UVRAG: variants seen among roughly 807,000 people sequenced by gnomAD.
The protein encoded by UVRAG is UV radiation resistance-associated gene protein.
A neutral mutation model predicts 78.0 loss-of-function variants in UVRAG; 19 were observed. The observed-to-expected ratio is 0.24, with a 90% CI of 0.17 to 0.36. The LOEUF (loss-of-function observed/expected upper bound fraction) is 0.36. UVRAG is among the 10% of genes least tolerant of loss of function. The pLI is 1.00. For missense variants in UVRAG, 740 were observed against 853.8 expected (o/e 0.87, Z 1.66); for synonymous variants, 323 against 324.6 (o/e 1.00, Z 0.05).
chr11:75,909,550 C>T (rs1947689328), intron 5 of UVRAG, among the ~76,000 whole-genome samples: 1 of 151,926 alleles, frequency 6.6e-6, no homozygotes, highest in African/African-American at 2.4e-5. Context: ...GAATTAATAT[C>T]AACTTAGTTT....
rs11236595 is a variant in UVRAG, at chr11:75,992,620, T to C, written c.826+9107T>C. Among the ~76,000 whole-genome samples the C allele has an allele frequency of 1.1e-3, 164 of 152,296 alleles. 2 individuals carry two copies. In the East Asian group the frequency reaches 0.029, roughly 27 times the overall value. ...GGATGGCTGGATACAGATAACCACATTTATTTACTAGCATAACCTGGTCTA... is the reference window on the plus strand; with the variant it reads ...GGATGGCTGGATACAGATAACCACACTTATTTACTAGCATAACCTGGTCTA... On this transcript the variant is annotated intron_variant, in intron 8 of 14. Coordinates refer to ENST00000356136, the MANE Select transcript of UVRAG (RefSeq NM_003369.4).
chr11:75,846,610 T>A (rs535923474), intron 1 of UVRAG, among the ~76,000 whole-genome samples: 2 of 151,926 alleles, frequency 1.3e-5, no homozygotes, highest in East Asian at 3.9e-4. Context: ...TTTTTTTGCA[T>A]GTGAATGTCC....
chr11:76,121,135 A>G (rs1358402462), intron 14 of UVRAG, among the ~76,000 whole-genome samples: 1 of 152,226 alleles, frequency 6.6e-6, no homozygotes, highest in Non-Finnish European at 1.5e-5. Context: ...TGTGATAAAA[A>G]TCCTCTTAAT....
intron 14 of UVRAG, among the ~76,000 whole-genome samples, chr11:76,127,957 CAA>C (rs75226887): frequency 7.3e-6 from 1 of 137,702 alleles, no homozygotes; most frequent in Non-Finnish European, 1.6e-5. Context: ...GACCCCATCT[CAA>C]AAAAAAAAAG....
In UVRAG at chr11:75,878,942, C is replaced by CACATAAGGGGGTCT. The variant is rs777681092; in HGVS notation, c.271-937_271-936insACATAAGGGGGTCT. 7.0e-3 allele frequency among the ~76,000 whole-genome samples: 1,046 copies of CACATAAGGGGGTCT among 149,080 alleles called. 12 individuals carry two copies. The highest frequency in any genetic ancestry group is 0.012 in the Non-Finnish European group (816 of 67,332). On this transcript the variant is annotated intron_variant, in intron 3 of 14. Transcript: ENST00000356136. Reference sequence around the variant, plus strand: ...GGGAGAGGGAGAGGGAGAGGGAGACCCCCTTATGTTTAATGTAGGGGAAAT... The same window carrying CACATAAGGGGGTCT: ...GGGAGAGGGAGAGGGAGAGGGAGACCACATAAGGGGGTCTCCCTTATGTTTAATGTAGGGGAAAT...
chr11:75,904,434 A>C (rs1947573827), intron 5 of UVRAG, among the ~76,000 whole-genome samples: 1 of 152,196 alleles, frequency 6.6e-6, no homozygotes, highest in African/African-American at 2.4e-5. Flanking sequence ...CCTTCATCAG[A>C]AGTCTGTTGG....
intron 13 of UVRAG, among the ~76,000 whole-genome samples, chr11:76,082,138 T>C (rs886282692): frequency 1.3e-5 from 2 of 152,166 alleles, no homozygotes; most frequent in Non-Finnish European, 2.9e-5. Flanking sequence ...TTGTATTTCT[T>C]GACCGAGTGG....
chr11:76,099,493 T>C (rs1951842390), intron 13 of UVRAG, among the ~76,000 whole-genome samples: 1 of 152,174 alleles, frequency 6.6e-6, no homozygotes, highest in Non-Finnish European at 1.5e-5. Flanking sequence ...GGAATAAGTG[T>C]TCTAGTTCTA....
chr11:75,936,737 G>GAAT (rs1427450866), intron 6 of UVRAG, among the ~76,000 whole-genome samples: 2 of 152,082 alleles, frequency 1.3e-5, no homozygotes, highest in Non-Finnish European at 1.5e-5. Context: ...TTTTAGTACA[G>GAAT]AATAATAATA....
chr11:76,115,505 G>C (rs1952161131), intron 13 of UVRAG, among the ~76,000 whole-genome samples: 1 of 152,218 alleles, frequency 6.6e-6, no homozygotes, highest in African/African-American at 2.4e-5. Flanking sequence ...CTGAATGGAA[G>C]CTGGCAATAT....
intron 1 of UVRAG, among the ~76,000 whole-genome samples, chr11:75,822,530 G>C (rs1284215521): frequency 6.6e-6 from 1 of 152,162 alleles, no homozygotes; most frequent in East Asian, 1.9e-4. Context: ...TCACATGCCA[G>C]ACGTAAGTCT....
At chr11:75,974,743 A>G (rs1949201797) in intron 7 of UVRAG, among the ~76,000 whole-genome samples, 1 of 152,096 alleles carries the variant, frequency 6.6e-6, no homozygotes, top group Non-Finnish European at 1.5e-5. Flanking sequence ...TTTCTTGTAA[A>G]TTTGTTTAAG....
At chr11:75,889,737 A>G (rs1285307772) in intron 5 of UVRAG, among the ~76,000 whole-genome samples, 1 of 152,218 alleles carries the variant, frequency 6.6e-6, no homozygotes, top group East Asian at 1.9e-4. Flanking sequence ...TCCAAGTGCT[A>G]AGAACACAGT....
chr11:75,830,351 C>G (rs1945627006), intron 1 of UVRAG, among the ~76,000 whole-genome samples: 2 of 151,916 alleles, frequency 1.3e-5, no homozygotes, highest in Middle Eastern at 6.8e-3. Flanking sequence ...CTCACTGCAA[C>G]CTCTGCCTCT....
rs1952756260 is a variant in UVRAG at position 76,143,349 on chromosome 11, GAGC to G, written c.*1939_*1941del. On this transcript the variant is annotated 3_prime_UTR_variant, in exon 15 of 15. Coordinates refer to ENST00000356136, the MANE Select transcript of UVRAG (RefSeq NM_003369.4). ...CCAGCCTGGCGCTGGCACCACCAAG[GAGC>G]AGGACTCCTCATGATTACAGTGTCC... 2.6e-5 allele frequency among the ~76,000 whole-genome samples: 4 copies of G among 152,176 alleles called. No individual in the cohort carries two copies. Among genetic ancestry groups the G allele is most frequent in the Non-Finnish European group, 5.9e-5 (4 of 68,022 alleles).
chr11:75,951,497 C>A (rs1948702890), intron 6 of UVRAG, among the ~76,000 whole-genome samples: 2 of 152,098 alleles, frequency 1.3e-5, no homozygotes. Context: ...ATTCTTCTGC[C>A]TCAGCCTCCC....
intron 13 of UVRAG, among the ~76,000 whole-genome samples, chr11:76,099,553 AGT>A (rs1951844355): frequency 2.6e-5 from 4 of 152,168 alleles, no homozygotes; most frequent in Admixed American, 1.3e-4. Flanking sequence ...TGTATAGGTT[AGT>A]TTGTAGAGAA....
chr11:75,920,638 G>A (rs976705520), intron 6 of UVRAG, among the ~76,000 whole-genome samples: 51 of 151,742 alleles, frequency 3.4e-4, no homozygotes, highest in African/African-American at 1.1e-3. Context: ...ACATAGGTCC[G>A]CATGACCCCT....
At chr11:75,868,658 A>G (rs1011827965) in intron 3 of UVRAG, among the ~76,000 whole-genome samples, 6 of 152,182 alleles carry the variant, frequency 3.9e-5, no homozygotes, top group African/African-American at 1.4e-4. Flanking sequence ...GAGAGGTTAG[A>G]TCCTTGATAT....
Sources: allele counts gnomAD v4.1 joint callset (sites outside exome capture counted in the v4.1 genomes callset), GRCh38; gene constraint gnomAD v4.1.1; transcripts MANE v1.5; gene names NCBI Gene and HGNC (gene_info 2026-07-23, HGNC 2026-07-21).